Variants in SUSD6 observed in about 807,000 individuals in gnomAD.
SUSD6 encodes the protein sushi domain containing 6, also known as sushi domain-containing protein 6.
In SUSD6, 16 loss-of-function variants were observed where a neutral mutation model predicts 28.4. The ratio of observed to expected loss-of-function variants is 0.56; its 90% CI spans 0.38 to 0.86. SUSD6 has a LOEUF of 0.86. SUSD6 is among the 40% of genes least tolerant of loss of function. The pLI is 0.00. For synonymous variants in SUSD6, 147 were observed against 159.6 expected (o/e 0.92, Z 0.59); for missense variants, 341 against 384.2 (o/e 0.89, Z 0.94).
chr14:69,641,386 A>G (rs1370394863), intron 1 of SUSD6, among the ~76,000 whole-genome samples: 7 of 151,820 alleles, frequency 4.6e-5, no homozygotes, highest in Admixed American at 6.6e-5. Context: ...CTCCTGTTCT[A>G]TTAGGCTGCT....
Position 69,687,455 on chromosome 14 carries a change from C to T in SUSD6, c.122-15940C>T, listed in dbSNP as rs532078601. Among the ~76,000 whole-genome samples, 24 of 152,366 alleles carry T rather than the reference C, an allele frequency of 1.6e-4. 1 individual carries two copies. The highest frequency in any genetic ancestry group is 1.5e-3 in the East Asian group (8 of 5,190). ...GTCAGATGGGCTTTTATTTAAAAGACTGGCCTGCTCAAACATTGCTAGCCT... is the reference window on the plus strand; with the variant it reads ...GTCAGATGGGCTTTTATTTAAAAGATTGGCCTGCTCAAACATTGCTAGCCT... On this transcript the variant is annotated intron_variant, in intron 2 of 5. Coordinates refer to ENST00000342745, the MANE Select transcript of SUSD6 (RefSeq NM_014734.4).
At chr14:69,652,888 A>G (rs1423617804) in intron 1 of SUSD6, among the ~76,000 whole-genome samples, 10 of 152,232 alleles carry the variant, frequency 6.6e-5, no homozygotes, top group Non-Finnish European at 1.0e-4. Context: ...CGTGCGTGTC[A>G]TCATTTCTCA....
intron 2 of SUSD6, among the ~76,000 whole-genome samples, chr14:69,686,883 TG>T (rs1366546277): frequency 6.6e-6 from 1 of 152,246 alleles, no homozygotes; most frequent in Non-Finnish European, 1.5e-5. Flanking sequence ...AGTCTCTTCA[TG>T]TATTAATTAA....
chr14:69,638,750 A>C (rs1243118138), intron 1 of SUSD6, among the ~76,000 whole-genome samples: 2 of 152,122 alleles, frequency 1.3e-5, no homozygotes, highest in Non-Finnish European at 2.9e-5. Context: ...TGTCCTTCCT[A>C]TTCCACCTTT....
chr14:69,646,490 GT>G (rs1448057073), intron 1 of SUSD6, among the ~76,000 whole-genome samples: 1 of 152,010 alleles, frequency 6.6e-6, no homozygotes, highest in Non-Finnish European at 1.5e-5. Context: ...GCTCTATAGG[GT>G]TTCACATTCA....
intron 1 of SUSD6, among the ~76,000 whole-genome samples, chr14:69,652,500 C>T (rs1285376127): frequency 6.6e-6 from 1 of 152,078 alleles, no homozygotes; most frequent in South Asian, 2.1e-4. Context: ...TACATGTAAA[C>T]GGAGTCTGAC....
chr14:69,641,165 C>A (rs1005645696), intron 1 of SUSD6, among the ~76,000 whole-genome samples: 1 of 152,226 alleles, frequency 6.6e-6, no homozygotes, highest in African/African-American at 2.4e-5. Context: ...ATTCCCTGCC[C>A]CATGGCTACT....
chr14:69,650,381 G>A (rs557743970), intron 1 of SUSD6, among the ~76,000 whole-genome samples: 43 of 152,126 alleles, frequency 2.8e-4, no homozygotes, highest in African/African-American at 4.3e-4. Context: ...TACAGACGGC[G>A]ACTGTACCTA....
Position 69,631,064 on chromosome 14 carries a change from C to A in SUSD6, c.-81+19236C>A, listed in dbSNP as rs115157530. On this transcript the variant is annotated intron_variant, in intron 1 of 5. Transcript: ENST00000342745. ...ACCATCATCTAGTGACCTGTGTCCC[C>A]AAAGCTTGCTGTGGCTTCAGAGGTC... Among the ~76,000 whole-genome samples the A allele has an allele frequency of 7.2e-3, 1,103 of 152,330 alleles. 13 individuals are homozygous for A. The highest frequency in any genetic ancestry group is 0.024 in the African/African-American group (1,015 of 41,580).
At chr14:69,658,264 C>G (rs1253444676) in intron 1 of SUSD6, among the ~76,000 whole-genome samples, 1 of 152,182 alleles carries the variant, frequency 6.6e-6, no homozygotes, top group African/African-American at 2.4e-5. Flanking sequence ...TCTGAAAGCC[C>G]TGCTGTGCCT....
At chr14:69,669,319 C>T (rs774503367) in intron 2 of SUSD6, among the ~76,000 whole-genome samples, 6 of 152,170 alleles carry the variant, frequency 3.9e-5, no homozygotes, top group Non-Finnish European at 7.3e-5. Flanking sequence ...GCCTCGGCCT[C>T]CCAAAGTGCT....
At chr14:69,660,483 A>G (rs1332329431) in intron 2 of SUSD6, among the ~76,000 whole-genome samples, 1 of 152,228 alleles carries the variant, frequency 6.6e-6, no homozygotes, top group African/African-American at 2.4e-5. Flanking sequence ...TTTCAAAGGA[A>G]GAGAAGACCA....
chr14:69,648,366 A>G (rs1885457900), intron 1 of SUSD6, among the ~76,000 whole-genome samples: 1 of 152,198 alleles, frequency 6.6e-6, no homozygotes, highest in African/African-American at 2.4e-5. Flanking sequence ...GAGAAACACA[A>G]GTAGAATCCA....
intron 1 of SUSD6, among the ~76,000 whole-genome samples, chr14:69,632,476 C>G (rs1885209444): frequency 6.6e-6 from 1 of 152,120 alleles, no homozygotes; most frequent in African/African-American, 2.4e-5. Flanking sequence ...CTTCCTTCCC[C>G]TTTTCTCTTC....
intron 2 of SUSD6, among the ~76,000 whole-genome samples, chr14:69,669,679 A>G (rs550052837): frequency 1.3e-5 from 2 of 151,216 alleles, no homozygotes; most frequent in African/African-American, 4.9e-5. Flanking sequence ...CTAGAATTCT[A>G]CCTCCTGCCT....
chr14:69,668,207 C>T (rs1885773458), intron 2 of SUSD6, among the ~76,000 whole-genome samples: 2 of 152,202 alleles, frequency 1.3e-5, no homozygotes, highest in Admixed American at 1.3e-4. Flanking sequence ...TGGTGGGGCT[C>T]TTCTGTGGAG....
intron 1 of SUSD6, among the ~76,000 whole-genome samples, chr14:69,641,797 G>C (rs544308721): frequency 3.6e-4 from 55 of 151,196 alleles, no homozygotes; most frequent in Non-Finnish European, 6.8e-4. Context: ...AGGAGGGGGG[G>C]TCTCCCTATG....
At chr14:69,646,301 T>C (rs1460025474) in intron 1 of SUSD6, among the ~76,000 whole-genome samples, 2 of 152,228 alleles carry the variant, frequency 1.3e-5, no homozygotes, top group African/African-American at 4.8e-5. Context: ...TCATAGGCTT[T>C]CCTTCCTCAG....
At chr14:69,662,619 A>G (rs1017917901) in intron 2 of SUSD6, among the ~76,000 whole-genome samples, 3 of 152,230 alleles carry the variant, frequency 2.0e-5, no homozygotes, top group African/African-American at 7.2e-5. Context: ...TAGTCACACC[A>G]TGCAGTGGAT....
Sources: allele counts gnomAD v4.1 joint callset (sites outside exome capture counted in the v4.1 genomes callset), GRCh38; gene constraint gnomAD v4.1.1; transcripts MANE v1.5; gene names NCBI Gene and HGNC (gene_info 2026-07-23, HGNC 2026-07-21).